Variants in SPTSSB observed in about 807,000 individuals in gnomAD.
SPTSSB encodes serine palmitoyltransferase small subunit B.
In SPTSSB, 6 loss-of-function variants were observed where a neutral mutation model predicts 7.7. That is an observed-to-expected ratio of 0.78 (90% CI 0.43 to 1.54). SPTSSB has a LOEUF of 1.54. Among genes scored for constraint, SPTSSB ranks in the 40% most tolerant of loss-of-function variants. SPTSSB has a pLI of 0.01. For missense variants in SPTSSB, 91 were observed against 93.0 expected (o/e 0.98, Z 0.09); for synonymous variants, 28 against 29.7 (o/e 0.94, Z 0.19).
In SPTSSB at chr3:161,345,670, G is replaced by A. The variant is rs1027341034; in HGVS notation, c.*423C>T. ...TTTTATACATCGTAAACAAGGATAG[G>A]ATACTTCTGACAGTAGCCTATAAAG... On this transcript the variant is annotated 3_prime_UTR_variant, in exon 3 of 3. Transcript: ENST00000620149. The A allele has an allele frequency of 3.2e-5, 5 of 154,788 alleles. No homozygotes were observed. The highest frequency in any genetic ancestry group is 9.7e-5 in the African/African-American group (4 of 41,422). 9.6% of individuals were successfully genotyped at this position (154,788 alleles called of 1,614,324 possible). A position where few individuals can be genotyped will look rare whatever the true frequency, so the allele number is the denominator to read the frequency against.
At position 161,345,927 on chromosome 3, in the gene SPTSSB, G is replaced by A. The variant is rs1413939684; in HGVS notation, c.*166C>T. On this transcript the variant is annotated 3_prime_UTR_variant, in exon 3 of 3. Coordinates refer to ENST00000620149, the MANE Select transcript of SPTSSB (RefSeq NM_001040100.2). ...TGTAGCATGTGCAAAAGAAACTAAA[G>A]AGACATGTATTTCAAACTCCAGGCA... 2 of 562,212 alleles carry A rather than the reference G, an allele frequency of 3.6e-6. No homozygotes were observed. Among genetic ancestry groups the A allele is most frequent in the African/African-American group, 3.8e-5 (2 of 53,082 alleles). 34.8% of individuals were successfully genotyped at this position (562,212 alleles called of 1,614,324 possible).
At chr3:161,369,066 C>T (rs1005072563) in intron 1 of SPTSSB, among the ~76,000 whole-genome samples, 2 of 152,136 alleles carry the variant, frequency 1.3e-5, no homozygotes, top group African/African-American at 4.8e-5. Context: ...TTTCAATTCT[C>T]TTGAATATAT....
At chr3:161,346,420 G>C (rs1215613070) in intron 2 of SPTSSB, 65 bp from the exon 3 acceptor site, 7 of 762,004 alleles carry the variant, frequency 9.2e-6, no homozygotes, top group Non-Finnish European at 1.6e-5. Flanking sequence ...AAAATTTCAT[G>C]ATCTCAGCAT....
At chr3:161,357,259 A>G (rs1183622716) in intron 2 of SPTSSB, among the ~76,000 whole-genome samples, 2 of 152,246 alleles carry the variant, frequency 1.3e-5, no homozygotes, top group Non-Finnish European at 2.9e-5. Flanking sequence ...CTTAGATTTT[A>G]TAATCTTATA....
intron 1 of SPTSSB, among the ~76,000 whole-genome samples, chr3:161,369,314 C>CTTT (rs1278233391): frequency 1.4e-4 from 9 of 65,718 alleles, no homozygotes; most frequent in Non-Finnish European, 2.2e-4. Context: ...TTCTTTCTTT[C>CTTT]TCTTTCTTTC....
At chr3:161,348,522 AT>A (rs1714366359) in intron 2 of SPTSSB, among the ~76,000 whole-genome samples, 1 of 152,182 alleles carries the variant, frequency 6.6e-6, no homozygotes. Context: ...AAGTCAAACA[AT>A]CAATCAATGA....
intron 1 of SPTSSB, among the ~76,000 whole-genome samples, chr3:161,361,066 T>C (rs115992674): frequency 0.014 from 2,150 of 152,168 alleles, 56 homozygotes; most frequent in African/African-American, 0.05. Context: ...CATAGAAAGC[T>C]AGATGGAGAA....
At chr3:161,358,990 A>G (rs1320060528) in intron 2 of SPTSSB, among the ~76,000 whole-genome samples, 2 of 152,220 alleles carry the variant, frequency 1.3e-5, no homozygotes, top group African/African-American at 2.4e-5. Flanking sequence ...GCAATCATTC[A>G]TAAGATAAAT....
chr3:161,361,694 G>T (rs907879886), intron 1 of SPTSSB, among the ~76,000 whole-genome samples: 1 of 152,092 alleles, frequency 6.6e-6, no homozygotes, highest in Non-Finnish European at 1.5e-5. Flanking sequence ...AGTAACTTTC[G>T]TCACAATTAT....
chr3:161,347,760 C>A (rs1337904030), intron 2 of SPTSSB, among the ~76,000 whole-genome samples: 2 of 151,936 alleles, frequency 1.3e-5, no homozygotes, highest in Non-Finnish European at 2.9e-5. Context: ...GTAATCCCAG[C>A]CGCTGGGGAG....
chr3:161,354,619 T>A (rs958654331), intron 2 of SPTSSB, among the ~76,000 whole-genome samples: 3 of 152,358 alleles, frequency 2.0e-5, no homozygotes, highest in African/African-American at 7.2e-5. Flanking sequence ...GTGATGGGAT[T>A]ACAGGCGTGA....
In SPTSSB at chr3:161,346,272, G is replaced by T. The variant is rs756169943; in HGVS notation, c.52C>A (p.Gln18Lys). 20 of 1,613,808 alleles carry T rather than the reference G, an allele frequency of 1.2e-5. No individual in the cohort carries two copies. The Admixed American group carries it at 1.8e-4, about 15-fold the overall frequency. The stretch of plus-strand genomic sequence containing the variant: ...AAAACAGCACAGCAGCTAATGATTT[G>T]GTATTGATAGTAGAGCCAGGAGAAA... ...EYFSWLYYQY[Q>K]IISCCAVLEP... is the part of the protein sequence containing the mutation. The change falls in exon 3 of 3, where the codon CAA becomes AAA. Residue 18 changes from glutamine to lysine, a missense_variant. Physicochemically the swap from Gln to Lys is moderately conservative, Grantham distance 53. Transcript: ENST00000620149.
chr3:161,361,864 C>A (rs1183830621), intron 1 of SPTSSB, among the ~76,000 whole-genome samples: 1 of 152,106 alleles, frequency 6.6e-6, no homozygotes. Context: ...AGGAAGTTAG[C>A]AGATCACAGA....
intron 2 of SPTSSB, among the ~76,000 whole-genome samples, chr3:161,351,799 C>A (rs961842752): frequency 3.3e-5 from 5 of 152,140 alleles, no homozygotes; most frequent in Admixed American, 6.5e-5. Context: ...ACATTGATTT[C>A]TTAACCTACT....
chr3:161,362,415 C>T (rs1215074409), intron 1 of SPTSSB, among the ~76,000 whole-genome samples: 1 of 152,106 alleles, frequency 6.6e-6, no homozygotes, highest in Admixed American at 6.6e-5. Context: ...AAAGAGTTCA[C>T]ATCAAATTTT....
chr3:161,367,108 C>T (rs770297231), intron 1 of SPTSSB, among the ~76,000 whole-genome samples: 24 of 152,074 alleles, frequency 1.6e-4, no homozygotes, highest in Non-Finnish European at 3.4e-4. Flanking sequence ...ACCTGGGAGG[C>T]GGAGGTCACA....
rs1215352093 is a variant in SPTSSB at position 161,348,302 on chromosome 3, C to CAAAAT, written c.-32-1948_-32-1947insATTTT. ...CAAAACAAAACAAAACAAAACAAAA[C>CAAAAT]ACTCTAAATTAAAAAAAATGCATTG... On this transcript the variant is annotated intron_variant, in intron 2 of 2. Transcript: ENST00000620149. Among the ~76,000 whole-genome samples, 30 of 95,446 alleles carry CAAAAT rather than the reference C, an allele frequency of 3.1e-4. 1 individual carries two copies. Among genetic ancestry groups the CAAAAT allele is most frequent in the African/African-American group, 1.7e-3 (30 of 18,152 alleles). The allele number at this position is 95,446 out of a possible 152,430, so 62.6% of individuals were successfully genotyped here.
At position 161,345,848 on chromosome 3, in the gene SPTSSB, C is replaced by A; in HGVS notation, c.*245G>T. 2.9e-6 allele frequency: 1 copy of A among 340,284 alleles called. No homozygotes were observed. Among genetic ancestry groups the A allele is most frequent in the Non-Finnish European group, 5.5e-6 (1 of 183,208 alleles). The allele number at this position is 340,284 out of a possible 1,614,324, so 21.1% of individuals were successfully genotyped here. A position where few individuals can be genotyped will look rare whatever the true frequency, so the allele number is the denominator to read the frequency against. The stretch of plus-strand genomic sequence containing the variant: ...AACTAAATTCATAGATTTGTGTTGA[C>A]AGAATATGATTTGTGAGGTAAAGTC... On this transcript the variant is annotated 3_prime_UTR_variant, in exon 3 of 3. Transcript: ENST00000620149.
At chr3:161,354,249 C>T (rs1444555474) in intron 2 of SPTSSB, among the ~76,000 whole-genome samples, 1 of 152,238 alleles carries the variant, frequency 6.6e-6, no homozygotes, top group African/African-American at 2.4e-5. Context: ...GAAAAAGTCT[C>T]ACTAACAGTT....
Sources: allele counts gnomAD v4.1 joint callset (sites outside exome capture counted in the v4.1 genomes callset), GRCh38; gene constraint gnomAD v4.1.1; transcripts MANE v1.5; gene names NCBI Gene and HGNC (gene_info 2026-07-23, HGNC 2026-07-21).